The following PID1 variants were observed in gnomAD, a reference collection of about 807,000 sequenced individuals.
PID1 encodes phosphotyrosine interaction domain containing 1.
In PID1, 10 loss-of-function variants were observed where a neutral mutation model predicts 19.1. That is an observed-to-expected ratio of 0.52 (90% confidence interval 0.32 to 0.89). The LOEUF is 0.89. Ranked by LOEUF, PID1 falls within the 40% of genes least tolerant of loss-of-function variation. The pLI, the probability that PID1 is intolerant of heterozygous loss-of-function variation, is 0.03. For synonymous variants in PID1, 130 were observed against 116.0 expected, an observed-to-expected ratio of 1.12 and a Z score of -0.78; for missense variants, 248 against 285.3, an observed-to-expected ratio of 0.87 and a Z score of 0.94.
intron 2 of PID1, among the ~76,000 whole-genome samples, chr2:229,146,266 G>C (rs1239519513): frequency 6.6e-6 from 1 of 152,112 alleles, no homozygotes; most frequent in East Asian, 1.9e-4. Flanking sequence ...TCATAAGTGG[G>C]AGTTAAACAG....
At chr2:229,031,961 C>T (rs1214417002) in intron 2 of PID1, among the ~76,000 whole-genome samples, 2 of 152,114 alleles carry the variant, frequency 1.3e-5, no homozygotes, top group African/African-American at 4.8e-5. Flanking sequence ...AAAAAGTGAA[C>T]TTCCCTCTTT....
At chr2:229,029,452 A>T (rs972434313) in intron 2 of PID1, among the ~76,000 whole-genome samples, 1 of 152,146 alleles carries the variant, frequency 6.6e-6, no homozygotes, top group Non-Finnish European at 1.5e-5. Context: ...GTTGGCAAGG[A>T]TGAAGAAAAA....
At chr2:229,137,028 C>T (rs10153609) in intron 2 of PID1, among the ~76,000 whole-genome samples, 4 of 151,910 alleles carry the variant, frequency 2.6e-5, no homozygotes, top group Non-Finnish European at 5.9e-5. Flanking sequence ...CATCATAATG[C>T]GGGAGAAATG....
At chr2:229,033,541 G>A (rs559046395) in intron 2 of PID1, among the ~76,000 whole-genome samples, 1 of 152,020 alleles carries the variant, frequency 6.6e-6, no homozygotes, top group Non-Finnish European at 1.5e-5. Context: ...AGGGTGGGGG[G>A]CTAGGGGAGG....
At chr2:229,151,234 GA>G (rs1383219621) in intron 2 of PID1, among the ~76,000 whole-genome samples, 8 of 152,182 alleles carry the variant, frequency 5.3e-5, no homozygotes, top group Non-Finnish European at 7.3e-5. Flanking sequence ...CCTGTTTCAA[GA>G]GGCACCTGTG....
intron 1 of PID1, among the ~76,000 whole-genome samples, chr2:229,157,059 T>C (rs1690388090): frequency 1.3e-5 from 2 of 152,098 alleles, no homozygotes; most frequent in African/African-American, 4.8e-5. Flanking sequence ...CCGGCATACA[T>C]ATACACACAC....
intron 1 of PID1, among the ~76,000 whole-genome samples, chr2:229,217,276 C>T (rs1691867711): frequency 6.6e-6 from 1 of 152,182 alleles, no homozygotes; most frequent in African/African-American, 2.4e-5. Context: ...TTATTTTATG[C>T]TGATGAGGTT....
At chr2:229,218,224 C>G (rs1691888361) in intron 1 of PID1, among the ~76,000 whole-genome samples, 1 of 128,132 alleles carries the variant, frequency 7.8e-6, no homozygotes, top group Admixed American at 9.6e-5. Context: ...AAGTTCACAA[C>G]ATAAGTTTGT....
intron 2 of PID1, among the ~76,000 whole-genome samples, chr2:229,056,973 T>C (rs1260409337): frequency 6.6e-6 from 1 of 152,198 alleles, no homozygotes; most frequent in Non-Finnish European, 1.5e-5. Context: ...AGTATTTTTC[T>C]AGGATTTTAA....
At chr2:229,175,333 A>T (rs1047113148) in intron 1 of PID1, among the ~76,000 whole-genome samples, 7 of 150,538 alleles carry the variant, frequency 4.6e-5, no homozygotes, top group Non-Finnish European at 1.0e-4. Flanking sequence ...CTATGTTCAA[A>T]TACCAAGAAA....
chr2:229,027,072 C>T (rs72973190), intron 2 of PID1, among the ~76,000 whole-genome samples: 2,842 of 152,042 alleles, frequency 0.019, 48 homozygotes, highest in Non-Finnish European at 0.023. Flanking sequence ...AGAAATACTA[C>T]GAATGCGAGG....
chr2:229,103,457 C>G (rs1395527450), intron 2 of PID1, among the ~76,000 whole-genome samples: 2 of 152,198 alleles, frequency 1.3e-5, no homozygotes, highest in African/African-American at 4.8e-5. Context: ...CACTGACAGC[C>G]CTACTGGACT....
intron 2 of PID1, among the ~76,000 whole-genome samples, chr2:229,122,934 C>A (rs1267154353): frequency 6.6e-6 from 1 of 152,110 alleles, no homozygotes; most frequent in East Asian, 1.9e-4. Context: ...AGCAAACCCT[C>A]CCAGGCGGCA....
At chr2:229,123,220 T>G (rs1342973084) in intron 2 of PID1, among the ~76,000 whole-genome samples, 2 of 152,154 alleles carry the variant, frequency 1.3e-5, no homozygotes, top group African/African-American at 4.8e-5. Context: ...CTAATCTACC[T>G]GTCTCTACAG....
At chr2:229,074,581 C>T (rs771910737) in intron 2 of PID1, among the ~76,000 whole-genome samples, 14 of 152,154 alleles carry the variant, frequency 9.2e-5, no homozygotes, top group Non-Finnish European at 1.6e-4. Flanking sequence ...AATACTATCT[C>T]ATGATTCTTC....
intron 1 of PID1, among the ~76,000 whole-genome samples, chr2:229,233,815 T>C (rs1692267539): frequency 6.6e-6 from 1 of 152,196 alleles, no homozygotes; most frequent in African/African-American, 2.4e-5. Flanking sequence ...TCTATAGTTA[T>C]TATACAACGA....
At chr2:229,129,212 T>G (rs1178203787) in intron 2 of PID1, among the ~76,000 whole-genome samples, 1 of 152,124 alleles carries the variant, frequency 6.6e-6, no homozygotes, top group Non-Finnish European at 1.5e-5. Context: ...CAGGCTGTGA[T>G]GCCTCCTTAA....
rs150643334 is a variant in PID1 at position 229,192,654 on chromosome 2, T to A, written c.31-36690A>T. The stretch of plus-strand genomic sequence containing the variant: ...GGTTCCTGCTATCTCCAAGCCTGTT[T>A]TTCCATCTTTAAATTGGTAATAATC... On this transcript the variant is annotated intron_variant, in intron 1 of 2. Transcript: ENST00000392055. 8.0e-3 allele frequency among the ~76,000 whole-genome samples: 1,217 copies of A among 152,304 alleles called. 16 individuals are homozygous for A. The highest frequency in any genetic ancestry group is 0.017 in the Middle Eastern group (5 of 294).
intron 2 of PID1, among the ~76,000 whole-genome samples, chr2:229,064,366 G>A (rs1342236502): frequency 1.3e-5 from 2 of 152,052 alleles, no homozygotes; most frequent in Admixed American, 1.3e-4. Context: ...TGAGTGGGGG[G>A]TTGTGCCACT....
Sources: allele counts gnomAD v4.1 joint callset (sites outside exome capture counted in the v4.1 genomes callset), GRCh38; gene constraint gnomAD v4.1.1; transcripts MANE v1.5; gene names NCBI Gene and HGNC (gene_info 2026-07-23, HGNC 2026-07-21).